SLC2A13: variants seen among roughly 807,000 people sequenced by gnomAD.
SLC2A13 encodes the protein solute carrier family 2 member 13, also known as proton myo-inositol cotransporter.
A neutral mutation model predicts 64.4 loss-of-function variants in SLC2A13; 32 were observed. The observed-to-expected ratio is 0.50, with a 90% CI of 0.37 to 0.67. The LOEUF (loss-of-function observed/expected upper bound fraction) is 0.67, where lower values mean the gene tolerates loss of function less well. Among genes scored for constraint, SLC2A13 ranks in the 30% least tolerant of loss-of-function variants. SLC2A13 has a pLI of 0.00. For missense variants in SLC2A13, 743 were observed against 829.2 expected (o/e 0.90, Z 1.28); for synonymous variants, 338 against 327.1 (o/e 1.03, Z -0.36).
intron 7 of SLC2A13, among the ~76,000 whole-genome samples, chr12:39,792,858 T>G (rs1169809830): frequency 6.6e-6 from 1 of 152,032 alleles, no homozygotes; most frequent in East Asian, 1.9e-4. Context: ...GATATTGTTC[T>G]AGGGTCAACT....
chr12:40,007,461 T>C (rs1287663597), intron 3 of SLC2A13, among the ~76,000 whole-genome samples: 1 of 151,760 alleles, frequency 6.6e-6, no homozygotes, highest in Non-Finnish European at 1.5e-5. Flanking sequence ...CACCAAACTA[T>C]TTTATTTACA....
At chr12:39,839,310 T>A (rs1050113794) in intron 6 of SLC2A13, among the ~76,000 whole-genome samples, 1 of 152,008 alleles carries the variant, frequency 6.6e-6, no homozygotes, top group Admixed American at 6.6e-5. Context: ...AGAGCATAGA[T>A]GTCGGTTGAT....
In SLC2A13 at chr12:40,028,435, C is replaced by T; in HGVS notation, c.791G>A (p.Arg264Gln). The T allele has an allele frequency of 1.9e-6, 3 of 1,613,898 alleles. No individual in the cohort carries two copies. The highest frequency in any genetic ancestry group is 1.1e-5 in the South Asian group (1 of 91,066). The change falls in exon 3 of 10, where the codon CGA becomes CAA. Residue 264 changes from arginine (R) to glutamine (Q), a missense_variant. Coordinates refer to ENST00000280871, the MANE Select transcript of SLC2A13 (RefSeq NM_052885.4). ...FGFLFLPESP[R>Q]WLIQKGQTQK... ...AGTCTGTCCTTTCTGAATAAGCCAT[C>T]GAGGGCTTTCAGGCAAAAAGAGAAA...
intron 4 of SLC2A13, among the ~76,000 whole-genome samples, chr12:39,879,765 G>A (rs535253281): frequency 1.3e-5 from 2 of 152,228 alleles, no homozygotes; most frequent in African/African-American, 2.4e-5. Context: ...GAGTTAAGCT[G>A]GAATGAGTTA....
At position 39,763,380 on chromosome 12, in the gene SLC2A13, T is replaced by G. The variant is rs548060389; in HGVS notation, c.1720+1080A>C. On this transcript the variant is annotated intron_variant, in intron 9 of 9. Transcript: ENST00000280871. ...GGTCAGAAGAGATGGGGAATAGATT[T>G]TTATAATGTTTCATCATATTCACCA... Among the ~76,000 whole-genome samples the G allele has an allele frequency of 1.7e-3, 252 of 152,196 alleles. 1 individual carries two copies. The highest frequency in any genetic ancestry group is 5.8e-3 in the African/African-American group (241 of 41,554).
intron 1 of SLC2A13, among the ~76,000 whole-genome samples, chr12:40,070,379 A>G (rs527815134): frequency 7.9e-5 from 12 of 152,288 alleles, no homozygotes; most frequent in African/African-American, 2.4e-4. Context: ...AACTTTCCAT[A>G]AAGGTGTCAG....
chr12:39,839,784 T>C (rs748014333), intron 6 of SLC2A13, among the ~76,000 whole-genome samples: 78 of 152,214 alleles, frequency 5.1e-4, no homozygotes, highest in Non-Finnish European at 7.8e-4. Context: ...TTCTTTCCTT[T>C]GTTTCTCTTC....
intron 7 of SLC2A13, among the ~76,000 whole-genome samples, chr12:39,793,267 G>T (rs7975209): frequency 0.98 from 149,083 of 152,238 alleles, 73,005 homozygotes; most frequent in African/African-American, 1. Flanking sequence ...TGTTTAGGAA[G>T]AAATCTGACA....
At chr12:39,957,099 A>G (rs983684985) in intron 3 of SLC2A13, among the ~76,000 whole-genome samples, 2 of 152,224 alleles carry the variant, frequency 1.3e-5, no homozygotes, top group Non-Finnish European at 2.9e-5. Flanking sequence ...TCAAATCTCA[A>G]TGGATTATCT....
At chr12:39,781,070 T>C (rs1396066117) in intron 7 of SLC2A13, among the ~76,000 whole-genome samples, 1 of 152,210 alleles carries the variant, frequency 6.6e-6, no homozygotes, top group Non-Finnish European at 1.5e-5. Context: ...GCTTCACAGA[T>C]TAAGCATTTT....
chr12:39,881,946 C>T (rs1944346541), intron 4 of SLC2A13, among the ~76,000 whole-genome samples: 1 of 152,072 alleles, frequency 6.6e-6, no homozygotes, highest in African/African-American at 2.4e-5. Context: ...ATGGACCATC[C>T]ACACAACATC....
intron 4 of SLC2A13, among the ~76,000 whole-genome samples, chr12:39,915,939 G>A (rs1215286154): frequency 1.3e-5 from 2 of 151,690 alleles, no homozygotes; most frequent in Non-Finnish European, 2.9e-5. Context: ...AAGAAGGCTC[G>A]ACCACTTACA....
At chr12:40,078,455 G>A (rs566464367) in intron 1 of SLC2A13, among the ~76,000 whole-genome samples, 1 of 152,246 alleles carries the variant, frequency 6.6e-6, no homozygotes, top group Admixed American at 6.5e-5. Context: ...ATTTCCATAT[G>A]TTGAATCAAC....
chr12:39,907,035 C>A (rs1369241841), intron 4 of SLC2A13, among the ~76,000 whole-genome samples: 1 of 152,078 alleles, frequency 6.6e-6, no homozygotes, highest in Non-Finnish European at 1.5e-5. Context: ...AGATACAATG[C>A]AAATTAACCC....
intron 7 of SLC2A13, among the ~76,000 whole-genome samples, chr12:39,778,162 G>C (rs1940845635): frequency 6.6e-6 from 1 of 152,124 alleles, no homozygotes; most frequent in Non-Finnish European, 1.5e-5. Context: ...AGGGGGACAA[G>C]AGACCCTTTC....
intron 3 of SLC2A13, among the ~76,000 whole-genome samples, chr12:39,969,504 A>C (rs1388361690): frequency 1.3e-5 from 2 of 152,212 alleles, no homozygotes; most frequent in Non-Finnish European, 2.9e-5. Context: ...AACTGGTGTG[A>C]GATGATATCT....
chr12:39,891,750 G>A (rs1297886024), intron 4 of SLC2A13, among the ~76,000 whole-genome samples: 1 of 152,168 alleles, frequency 6.6e-6, no homozygotes, highest in African/African-American at 2.4e-5. Flanking sequence ...GCTCAGATCA[G>A]GGCTCAGTCC....
chr12:39,888,152 A>G (rs549114621), intron 4 of SLC2A13, among the ~76,000 whole-genome samples: 3 of 152,334 alleles, frequency 2.0e-5, no homozygotes, highest in African/African-American at 7.2e-5. Flanking sequence ...TCAAATGCCC[A>G]CATTCTGCTG....
intron 3 of SLC2A13, among the ~76,000 whole-genome samples, chr12:39,984,428 T>C (rs1240197674): frequency 1.3e-5 from 2 of 152,174 alleles, no homozygotes; most frequent in African/African-American, 4.8e-5. Flanking sequence ...TAAAAATAAC[T>C]TTAAAAAGTT....
Sources: allele counts gnomAD v4.1 joint callset (sites outside exome capture counted in the v4.1 genomes callset), GRCh38; gene constraint gnomAD v4.1.1; transcripts MANE v1.5; gene names NCBI Gene and HGNC (gene_info 2026-07-23, HGNC 2026-07-21).